OR7C1: variants seen among roughly 807,000 people sequenced by gnomAD.
OR7C1 encodes the protein olfactory receptor 7C1.
For missense variants in OR7C1, 324 were observed against 383.3 expected, an observed-to-expected ratio of 0.85 and a Z score of 1.29; for synonymous variants, 152 against 160.7, an observed-to-expected ratio of 0.95 and a Z score of 0.41.
rs917404813 is a variant in OR7C1, at chr19:14,803,883, G to C, written c.-434-3119C>G. ...TGCCACAAAGCCCAGCTAATTTTTTGTATTTTTAGTAGAGACGGGGTTTCA... is the reference window on the plus strand; with the variant it reads ...TGCCACAAAGCCCAGCTAATTTTTTCTATTTTTAGTAGAGACGGGGTTTCA... On this transcript the variant is annotated intron_variant, in intron 2 of 4. Coordinates refer to ENST00000641666, the Ensembl canonical transcript of OR7C1. Among the ~76,000 whole-genome samples the C allele has an allele frequency of 5.3e-5, 8 of 151,944 alleles. No homozygotes were observed. In the South Asian group the frequency reaches 1.7e-3, roughly 32 times the overall value.
At chr19:14,806,379 T>G (rs1198530031) in intron 2 of OR7C1, among the ~76,000 whole-genome samples, 1 of 151,974 alleles carries the variant, frequency 6.6e-6, no homozygotes, top group South Asian at 2.1e-4. Flanking sequence ...ATGGCCATGT[T>G]GCTAAGTTTT....
intron 1 of OR7C1, among the ~76,000 whole-genome samples, chr19:14,818,135 A>G (rs2044724920): frequency 6.7e-6 from 1 of 150,016 alleles, no homozygotes; most frequent in South Asian, 2.1e-4. Flanking sequence ...TGTCCCCTAG[A>G]CTGGAGCGCA....
At chr19:14,833,938 A>C (rs2044859153) in intron 1 of OR7C1, among the ~76,000 whole-genome samples, 1 of 152,216 alleles carries the variant, frequency 6.6e-6, no homozygotes, top group Non-Finnish European at 1.5e-5. Context: ...TGTCTTGTGG[A>C]AACAATCTCC....
chr19:14,822,664 G>A (rs957943704), intron 1 of OR7C1, among the ~76,000 whole-genome samples: 2 of 152,094 alleles, frequency 1.3e-5, no homozygotes, highest in Non-Finnish European at 2.9e-5. Flanking sequence ...TTACAGGCAT[G>A]AGCCACCGCA....
intron 1 of OR7C1, among the ~76,000 whole-genome samples, chr19:14,834,328 A>C (rs1264268339): frequency 6.6e-6 from 1 of 152,208 alleles, no homozygotes; most frequent in Non-Finnish European, 1.5e-5. Context: ...GGAAGCCAGC[A>C]GATATTCCTC....
chr19:14,818,065 T>TATTTA (rs1270559968), intron 1 of OR7C1, among the ~76,000 whole-genome samples: 1 of 135,000 alleles, frequency 7.4e-6, no homozygotes, highest in African/African-American at 3.2e-5. Flanking sequence ...TTATTTATTT[T>TATTTA]ATTTATTTAT....
intron 1 of OR7C1, among the ~76,000 whole-genome samples, chr19:14,817,286 T>C (rs1290932661): frequency 6.6e-6 from 1 of 152,158 alleles, no homozygotes; most frequent in African/African-American, 2.4e-5. Context: ...TATTCCATGG[T>C]GTATATGTAC....
At chr19:14,805,984 T>C (rs2044664718) in intron 2 of OR7C1, among the ~76,000 whole-genome samples, 1 of 151,966 alleles carries the variant, frequency 6.6e-6, no homozygotes, top group African/African-American at 2.4e-5. Flanking sequence ...GACTTGTTAA[T>C]TGGAGACACC....
chr19:14,807,922 T>C (rs571790611), intron 2 of OR7C1, among the ~76,000 whole-genome samples: 1 of 151,734 alleles, frequency 6.6e-6, no homozygotes, highest in South Asian at 2.1e-4. Flanking sequence ...AAACAGTCTT[T>C]AGAAGCAGTC....
At chr19:14,827,393 G>A in intron 1 of OR7C1, 1 of 1,613,952 alleles carries the variant, frequency 6.2e-7, no homozygotes, top group Non-Finnish European at 8.5e-7. Flanking sequence ...GGTTCAGCAT[G>A]GGGGTGACCA....
At chr19:14,807,719 AC>A (rs2044672035) in intron 2 of OR7C1, among the ~76,000 whole-genome samples, 1 of 151,740 alleles carries the variant, frequency 6.6e-6, no homozygotes, top group Non-Finnish European at 1.5e-5. Flanking sequence ...ACACGGTGAA[AC>A]CCTGTCTCTA....
chr19:14,833,676 AT>A (rs2044856080), intron 1 of OR7C1, among the ~76,000 whole-genome samples: 1 of 152,248 alleles, frequency 6.6e-6, no homozygotes, highest in African/African-American at 2.4e-5. Flanking sequence ...ATTGAAAAAA[AT>A]AATTTTAAAC....
At chr19:14,829,042 G>A (rs1427390915) in intron 1 of OR7C1, among the ~76,000 whole-genome samples, 1 of 152,118 alleles carries the variant, frequency 6.6e-6, no homozygotes, top group Non-Finnish European at 1.5e-5. Context: ...TGTTTCTTTT[G>A]TTTTTTGTTT....
intron 1 of OR7C1, among the ~76,000 whole-genome samples, chr19:14,833,037 G>A (rs902517503): frequency 1.3e-5 from 2 of 152,152 alleles, no homozygotes; most frequent in Admixed American, 1.3e-4. Context: ...AGTATACATG[G>A]GCATTTAATA....
chr19:14,814,084 A>G (rs888611133), intron 1 of OR7C1, among the ~76,000 whole-genome samples: 2 of 152,150 alleles, frequency 1.3e-5, no homozygotes, highest in Non-Finnish European at 2.9e-5. Context: ...AGATGAAAAC[A>G]TAGTGGAAAG....
rs1206017826 is a variant in OR7C1, at chr19:14,822,416, G to A, written c.-622-12423C>T. 2.0e-4 allele frequency among the ~76,000 whole-genome samples: 22 copies of A among 111,998 alleles called. No individual in the cohort carries two copies. In the Admixed American group the frequency reaches 2.3e-3, roughly 12 times the overall value. The allele number at this position is 111,998 out of a possible 152,430, so 73.5% of individuals were successfully genotyped here. On this transcript the variant is annotated intron_variant, in intron 1 of 4. Coordinates refer to ENST00000641666, the Ensembl canonical transcript of OR7C1. ...TTTTTTTTTTTTGAGATGGAGTCTC[G>A]CTCTGTCGCCCAGGCTAGAGTGCAG... is the stretch of plus-strand genomic sequence containing the variant.
At chr19:14,833,206 C>T (rs571301436) in intron 1 of OR7C1, among the ~76,000 whole-genome samples, 15 of 152,334 alleles carry the variant, frequency 9.8e-5, no homozygotes, top group African/African-American at 3.4e-4. Context: ...CGGCCAGGTA[C>T]GGTGGCTCAT....
chr19:14,812,545 C>A (rs557386038), intron 1 of OR7C1, among the ~76,000 whole-genome samples: 1 of 152,208 alleles, frequency 6.6e-6, no homozygotes, highest in African/African-American at 2.4e-5. Flanking sequence ...TCAATCATGA[C>A]CCTTTCATGT....
chr19:14,806,985 A>G (rs893783721), intron 2 of OR7C1, among the ~76,000 whole-genome samples: 1 of 151,978 alleles, frequency 6.6e-6, no homozygotes, highest in Non-Finnish European at 1.5e-5. Context: ...GGTTGAACTA[A>G]TATAGGTTAC....
Sources: allele counts gnomAD v4.1 joint callset (sites outside exome capture counted in the v4.1 genomes callset), GRCh38; gene constraint gnomAD v4.1.1; transcripts MANE v1.5; gene names NCBI Gene and HGNC (gene_info 2026-07-23, HGNC 2026-07-21).